Variants in IKZF2 observed in about 807,000 individuals in gnomAD.
IKZF2 encodes the protein zinc finger protein Helios.
In IKZF2, 15 loss-of-function variants were observed where a neutral mutation model predicts 49.2. That is an observed-to-expected ratio of 0.30 (90% confidence interval 0.20 to 0.47). IKZF2 has a LOEUF of 0.47. IKZF2 is among the 20% of genes least tolerant of loss of function. The pLI is 1.00. For synonymous variants in IKZF2, 227 were observed against 221.4 expected (o/e 1.03, Z -0.23); for missense variants, 567 against 664.6 (o/e 0.85, Z 1.61).
At chr2:213,091,432 T>C (rs1475223106) in intron 4 of IKZF2, among the ~76,000 whole-genome samples, 1 of 152,156 alleles carries the variant, frequency 6.6e-6, no homozygotes, top group East Asian at 1.9e-4. Context: ...CAGTATTGAT[T>C]AATGACAAGA....
At chr2:213,070,010 CT>C (rs1702535571) in intron 4 of IKZF2, among the ~76,000 whole-genome samples, 1 of 151,994 alleles carries the variant, frequency 6.6e-6, no homozygotes, top group South Asian at 2.1e-4. Context: ...CCATAAACAC[CT>C]AACACACTCC....
At chr2:213,092,553 C>A (rs891452476) in intron 4 of IKZF2, among the ~76,000 whole-genome samples, 1 of 152,144 alleles carries the variant, frequency 6.6e-6, no homozygotes, top group Admixed American at 6.6e-5. Flanking sequence ...TTAGTCCCCC[C>A]TGTGATGGTA....
intron 4 of IKZF2, among the ~76,000 whole-genome samples, chr2:213,145,137 T>G (rs2061004432): frequency 6.6e-6 from 1 of 151,372 alleles, no homozygotes; most frequent in Non-Finnish European, 1.5e-5. Flanking sequence ...CATGCCTTAT[T>G]GATACTTTTC....
intron 4 of IKZF2, among the ~76,000 whole-genome samples, chr2:213,064,463 T>C (rs1198358897): frequency 6.6e-6 from 1 of 152,044 alleles, no homozygotes; most frequent in Admixed American, 6.6e-5. Flanking sequence ...TCTAACTTCC[T>C]GATGATCCTG....
intron 4 of IKZF2, among the ~76,000 whole-genome samples, chr2:213,117,246 C>T (rs1422597129): frequency 6.6e-6 from 1 of 152,140 alleles, no homozygotes; most frequent in Non-Finnish European, 1.5e-5. Flanking sequence ...CCATTCAACC[C>T]ACAGTTACTG....
intron 4 of IKZF2, among the ~76,000 whole-genome samples, chr2:213,080,374 T>G (rs1035542035): frequency 6.6e-6 from 1 of 152,168 alleles, no homozygotes; most frequent in African/African-American, 2.4e-5. Context: ...CAAAGGTTCA[T>G]TAAATATCTA....
chr2:213,073,475 G>C (rs1481987607), intron 4 of IKZF2, among the ~76,000 whole-genome samples: 1 of 150,622 alleles, frequency 6.6e-6, no homozygotes, highest in East Asian at 1.9e-4. Context: ...TTATTGACAT[G>C]ATCTATGTTT....
At chr2:213,101,910 G>A (rs1259924045) in intron 4 of IKZF2, among the ~76,000 whole-genome samples, 1 of 152,106 alleles carries the variant, frequency 6.6e-6, no homozygotes, top group Non-Finnish European at 1.5e-5. Context: ...TAAAGGACAG[G>A]AAATAATGTC....
At chr2:213,013,987 T>C (rs1302120871) in intron 7 of IKZF2, 53 bp from the exon 8 acceptor site, 1 of 1,569,212 alleles carries the variant, frequency 6.4e-7, no homozygotes, top group African/African-American at 1.4e-5. Flanking sequence ...ACATTTTGGA[T>C]GATACAAAGC....
intron 5 of IKZF2, among the ~76,000 whole-genome samples, chr2:213,053,971 G>A (rs971977817): frequency 1.3e-5 from 2 of 152,226 alleles, no homozygotes; most frequent in South Asian, 4.1e-4. Context: ...TTATATTAGA[G>A]GCTGGGCACG....
At chr2:213,065,999 A>T (rs1214022173) in intron 4 of IKZF2, among the ~76,000 whole-genome samples, 1 of 152,120 alleles carries the variant, frequency 6.6e-6, no homozygotes, top group African/African-American at 2.4e-5. Flanking sequence ...TTACACTGCC[A>T]AATTTCCTGA....
intron 4 of IKZF2, among the ~76,000 whole-genome samples, chr2:213,124,084 A>C (rs1304577132): frequency 6.6e-6 from 1 of 152,070 alleles, no homozygotes; most frequent in East Asian, 1.9e-4. Flanking sequence ...AATCCCAGAG[A>C]CCACCTGTCA....
chr2:213,139,538 T>C (rs1337103058), intron 4 of IKZF2, among the ~76,000 whole-genome samples: 3 of 151,050 alleles, frequency 2.0e-5, no homozygotes, highest in Non-Finnish European at 4.5e-5. Flanking sequence ...GTGATCCAGC[T>C]CCTATGTTTG....
rs1694949255 is a variant in IKZF2, at chr2:213,002,061, G to A, written c.*5299C>T. Reference sequence around the variant, plus strand: ...CTTTTCTTACTATCTGTCACTTGAGGTAATTTGAAGGCCCAATTCACTGCA... The same window carrying A: ...CTTTTCTTACTATCTGTCACTTGAGATAATTTGAAGGCCCAATTCACTGCA... On this transcript the variant is annotated 3_prime_UTR_variant, in exon 9 of 9. Transcript: ENST00000434687. 6.6e-6 allele frequency: 1 copy of A among 151,328 alleles called. No individual in the cohort carries two copies. The highest frequency in any genetic ancestry group is 1.5e-5 in the Non-Finnish European group (1 of 67,500). 9.4% of individuals were successfully genotyped at this position (151,328 alleles called of 1,614,324 possible).
At chr2:213,104,261 CAAAAAAA>C (rs75972033) in intron 4 of IKZF2, among the ~76,000 whole-genome samples, 6 of 78,198 alleles carry the variant, frequency 7.7e-5, no homozygotes, top group Non-Finnish European at 1.5e-4. Context: ...TTCTAACGGA[CAAAAAAA>C]AAAAAAAAGA....
In IKZF2 at chr2:213,016,347, C is replaced by T. The variant is rs142940639; in HGVS notation, c.713-2413G>A. 3.0e-3 allele frequency among the ~76,000 whole-genome samples: 459 copies of T among 152,214 alleles called. 1 individual carries two copies. Among genetic ancestry groups the T allele is most frequent in the Admixed American group, 4.5e-3 (69 of 15,246 alleles). On this transcript the variant is annotated intron_variant, in intron 7 of 8. Transcript: ENST00000434687. ...ACTACTAGGAGTCTGGCTCCAGAGC[C>T]TGGCTCAACCATTACGCTATACTAC...
chr2:213,151,840 T>TATGAGAGCGCGTGTGC (rs2061292229), upstream of IKZF2, among the ~76,000 whole-genome samples: 1 of 149,170 alleles, frequency 6.7e-6, no homozygotes. Flanking sequence ...TGTGCGTGTG[T>TATGAGAGCGCGTGTGC]GTATGAGAGC....
intron 3 of IKZF2, among the ~76,000 whole-genome samples, chr2:213,148,052 T>C (rs889739092): frequency 6.6e-6 from 1 of 152,218 alleles, no homozygotes; most frequent in African/African-American, 2.4e-5. Flanking sequence ...AATACATAAG[T>C]TGTTGATTTC....
intron 4 of IKZF2, among the ~76,000 whole-genome samples, chr2:213,080,952 C>T (rs946811088): frequency 6.6e-6 from 1 of 151,818 alleles, no homozygotes; most frequent in Admixed American, 6.5e-5. Flanking sequence ...ATATCCCTTT[C>T]ATAAAGAAAA....
Sources: gnomAD v4.1 joint callset for allele counts (sites outside exome capture counted in the v4.1 genomes callset) on GRCh38, gnomAD v4.1.1 for gene constraint, MANE v1.5 for transcripts, NCBI Gene and HGNC (gene_info 2026-07-23, HGNC 2026-07-21) for gene names.